Variants in THAP10 observed in about 807,000 individuals in gnomAD.
THAP10 encodes THAP domain containing 10, also known as THAP domain-containing protein 10.
In THAP10, 10 loss-of-function variants were observed where a neutral mutation model predicts 15.7. The ratio of observed to expected loss-of-function variants is 0.64; its 90% CI spans 0.39 to 1.08. THAP10 has a LOEUF of 1.08. THAP10 is among the 50% of genes least tolerant of loss of function. THAP10 has a pLI of 0.01. For synonymous variants in THAP10, 127 were observed against 129.1 expected, an observed-to-expected ratio of 0.98 and a Z score of 0.11; for missense variants, 310 against 330.9, an observed-to-expected ratio of 0.94 and a Z score of 0.49.
chr15:70,882,757 A>C lies in THAP10; in HGVS notation c.577+4T>G. The stretch of plus-strand genomic sequence containing the variant: ...GCTTAATCCATTGAAGAGTCAAAAC[A>C]TACCCACACTACGGTGACGGGGCCT... On this transcript the variant is annotated splice_donor_region_variant and intron_variant, in intron 2 of 2. Coordinates refer to ENST00000249861, the MANE Select transcript of THAP10 (RefSeq NM_020147.4). The C allele has an allele frequency of 1.2e-6, 2 of 1,614,122 alleles. No homozygotes were observed. Among genetic ancestry groups the C allele is most frequent in the Non-Finnish European group, 1.7e-6 (2 of 1,179,992 alleles).
chr15:70,883,043 G>C, intron 1 of THAP10, 135 bp from the exon 2 acceptor site: 2 of 786,216 alleles, frequency 2.5e-6, no homozygotes, highest in Non-Finnish European at 3.9e-6. Flanking sequence ...TTTGAACCTA[G>C]GCAAGGTGAA....
At chr15:70,883,243 G>T (rs1434548582) in intron 1 of THAP10, among the ~76,000 whole-genome samples, 1 of 151,336 alleles carries the variant, frequency 6.6e-6, no homozygotes, top group Non-Finnish European at 1.5e-5. Context: ...CCAAGCTGGA[G>T]CGCAATGGTG....
In THAP10 at chr15:70,891,999, C is replaced by T. The variant is rs371439870; in HGVS notation, c.274G>A (p.Val92Met). Reference protein sequence around the residue: ...VAGAVPTLHRVPAPAPKRGEE... With the variant: ...VAGAVPTLHRMPAPAPKRGEE... Reference sequence around the variant, plus strand: ...CCCCTCTTAGGTGCCGGGGCGGGCACCCGGTGCAGGGTGGGCACGGCGCCT... The same window carrying T: ...CCCCTCTTAGGTGCCGGGGCGGGCATCCGGTGCAGGGTGGGCACGGCGCCT... The change falls in exon 1 of 3, where the codon GTG becomes ATG. Residue 92 changes from valine (V) to methionine (M), a missense_variant. Physicochemically the swap from Val to Met is conservative, Grantham distance 21. Transcript: ENST00000249861. 1 of 1,613,072 alleles carries T rather than the reference C, an allele frequency of 6.2e-7. No individual in the cohort carries two copies. The highest frequency in any genetic ancestry group is 1.1e-5 in the South Asian group (1 of 90,914).
In THAP10 at chr15:70,882,061, C is replaced by A. The variant is rs1419162976; in HGVS notation, c.*393G>T. The A allele has an allele frequency of 2.4e-5, 4 of 168,232 alleles. No individual in the cohort carries two copies. Among genetic ancestry groups the A allele is most frequent in the Non-Finnish European group, 5.1e-5 (4 of 78,034 alleles). The allele number at this position is 168,232 out of a possible 1,614,324, so 10.4% of individuals were successfully genotyped here. A position where few individuals can be genotyped will look rare whatever the true frequency, so the allele number is the denominator to read the frequency against. ...ACTGTTACTGTGTTACTGCTCTATA[C>A]TTTCAAATTATTTAGAAGAGTAGGG... On this transcript the variant is annotated 3_prime_UTR_variant, in exon 3 of 3. Transcript: ENST00000249861.
chr15:70,891,285 G>T (rs1021751586), intron 1 of THAP10, among the ~76,000 whole-genome samples: 10 of 152,166 alleles, frequency 6.6e-5, no homozygotes, highest in Non-Finnish European at 1.5e-4. Flanking sequence ...GCTCACTAGG[G>T]ATACTGAACT....
At chr15:70,889,393 T>C (rs1442304867) in intron 1 of THAP10, among the ~76,000 whole-genome samples, 1 of 152,120 alleles carries the variant, frequency 6.6e-6, no homozygotes, top group Non-Finnish European at 1.5e-5. Context: ...TGGTTACCTT[T>C]GAGGAGAGGG....
chr15:70,890,648 G>A (rs1371297452), intron 1 of THAP10, among the ~76,000 whole-genome samples: 2 of 152,160 alleles, frequency 1.3e-5, no homozygotes, highest in East Asian at 1.9e-4. Context: ...AGTACACGAA[G>A]AATGAGAGTA....
At chr15:70,882,688 T>A (rs755696347) in intron 2 of THAP10, 38 bp from the exon 3 acceptor site, 54 of 1,611,730 alleles carry the variant, frequency 3.4e-5, no homozygotes, top group Non-Finnish European at 4.4e-5. Context: ...TGAGTTAGAC[T>A]TTGCTTTTCA....
chr15:70,882,656 A>G lies in THAP10; in HGVS notation c.578-6T>C. ...TTTCACTTTGGCTTGAATACCTGAA[A>G]GAGAATAAGCATAAGTACCTATGAG... On this transcript the variant is annotated splice_region_variant and splice_polypyrimidine_tract_variant and intron_variant, in intron 2 of 2. Coordinates refer to ENST00000249861, the MANE Select transcript of THAP10 (RefSeq NM_020147.4). 1 of 1,613,476 alleles carries G rather than the reference A, an allele frequency of 6.2e-7. No homozygotes were observed. Among genetic ancestry groups the G allele is most frequent in the Non-Finnish European group, 8.5e-7 (1 of 1,179,576 alleles).
intron 1 of THAP10, among the ~76,000 whole-genome samples, chr15:70,886,163 T>G (rs576486258): frequency 1.3e-5 from 2 of 152,322 alleles, no homozygotes; most frequent in East Asian, 3.9e-4. Context: ...ACTTGTAAGA[T>G]TCAGTAAAGC....
At position 70,883,822 on chromosome 15, in the gene THAP10, T is replaced by C. The variant is rs561235757; in HGVS notation, c.430-914A>G. On this transcript the variant is annotated intron_variant, in intron 1 of 2. Transcript: ENST00000249861. Reference sequence around the variant, plus strand: ...GGTGCCTGCCACCATGCCTGGCTAATTTTTTGTATTTTTAGTAGAGACAAT... The same window carrying C: ...GGTGCCTGCCACCATGCCTGGCTAACTTTTTGTATTTTTAGTAGAGACAAT... Among the ~76,000 whole-genome samples the C allele has an allele frequency of 2.4e-3, 364 of 151,694 alleles. 1 individual carries two copies. The highest frequency in any genetic ancestry group is 0.01 in the Middle Eastern group (3 of 290).
At chr15:70,883,586 T>C (rs1188107823) in intron 1 of THAP10, among the ~76,000 whole-genome samples, 1 of 152,100 alleles carries the variant, frequency 6.6e-6, no homozygotes, top group Non-Finnish European at 1.5e-5. Context: ...TTTATAGAAG[T>C]CTCCTTTAAT....
At chr15:70,889,358 T>TCC (rs200790839) in intron 1 of THAP10, among the ~76,000 whole-genome samples, 2 of 147,372 alleles carry the variant, frequency 1.4e-5, no homozygotes, top group Admixed American at 6.8e-5. Flanking sequence ...TTATATGAAA[T>TCC]CCCCCCCCCA....
rs1397951830 is a variant in THAP10 at position 70,892,124 on chromosome 15, C to A, written c.149G>T (p.Arg50Leu). ...AAAGTGGTCAGAGCAGATGACCGAG[C>A]GGTCATTGCCTCCGTACCAGTCGGC... ...CRADWYGGND[R>L]SVICSDHFAP... The change falls in exon 1 of 3, where the codon CGC becomes CTC. Residue 50 changes from arginine (R) to leucine (L), a missense_variant. Coordinates refer to ENST00000249861, the MANE Select transcript of THAP10 (RefSeq NM_020147.4). 20 of 1,613,888 alleles carry A rather than the reference C, an allele frequency of 1.2e-5. No individual in the cohort carries two copies. Among genetic ancestry groups the A allele is most frequent in the Non-Finnish European group, 1.7e-5 (20 of 1,179,914 alleles).
At chr15:70,889,578 T>C (rs1477814711) in intron 1 of THAP10, among the ~76,000 whole-genome samples, 1 of 152,144 alleles carries the variant, frequency 6.6e-6, no homozygotes, top group Non-Finnish European at 1.5e-5. Flanking sequence ...ATTTAAAAAA[T>C]TCAGTTGGGT....
intron 1 of THAP10, among the ~76,000 whole-genome samples, chr15:70,883,265 C>T (rs2033314403): frequency 6.6e-6 from 1 of 152,022 alleles, no homozygotes; most frequent in East Asian, 1.9e-4. Context: ...CATCTCGGCT[C>T]ACTGCAATCT....
chr15:70,882,840 T>A lies in THAP10; in HGVS notation c.498A>T (p.Ser166=), dbSNP rs574456869. 1 of 1,614,154 alleles carries A rather than the reference T, an allele frequency of 6.2e-7. No individual in the cohort carries two copies. The highest frequency in any genetic ancestry group is 8.5e-7 in the Non-Finnish European group (1 of 1,180,000). The part of the protein sequence containing the change: ...HADNPSNTVT[S]VPTHCEEGPV... ...GGCCTTCTTCACAGTGAGTAGGTAC[T>A]GAAGTGACAGTATTAGATGGATTAT... Residue 166 remains serine (S), a synonymous_variant, in exon 2 of 3, where the codon TCA becomes TCT. Coordinates refer to ENST00000249861, the MANE Select transcript of THAP10 (RefSeq NM_020147.4).
chr15:70,891,565 CTCTGTG>C (rs1446452692), intron 1 of THAP10, among the ~76,000 whole-genome samples: 7 of 118,954 alleles, frequency 5.9e-5, no homozygotes, highest in Non-Finnish European at 3.6e-5. Context: ...CAGGACAAGA[CTCTGTG>C]TGTGTGTGTG....
intron 1 of THAP10, among the ~76,000 whole-genome samples, chr15:70,891,531 G>A (rs1009223131): frequency 1.3e-5 from 2 of 151,450 alleles, no homozygotes; most frequent in African/African-American, 2.4e-5. Flanking sequence ...CTGGAGCAGC[G>A]AGTGAAAGCA....
Sources: gnomAD v4.1 joint callset for allele counts (sites outside exome capture counted in the v4.1 genomes callset) on GRCh38, gnomAD v4.1.1 for gene constraint, MANE v1.5 for transcripts, NCBI Gene and HGNC (gene_info 2026-07-23, HGNC 2026-07-21) for gene names.